The following ADAMTSL1 variants were observed in gnomAD, a reference collection of about 807,000 sequenced individuals.
The protein encoded by ADAMTSL1 is ADAMTS like 1.
ADAMTSL1 carries 126 observed loss-of-function variants against 201.8 expected under a neutral mutation model. The ratio of observed to expected loss-of-function variants is 0.62; its 90% CI spans 0.54 to 0.72. The LOEUF is 0.72. Ranked by LOEUF, ADAMTSL1 falls within the 30% of genes least tolerant of loss-of-function variation. ADAMTSL1 has a pLI of 0.00. For missense variants in ADAMTSL1, 2,679 were observed against 2,277.8 expected (o/e 1.18, Z -3.59); for synonymous variants, 1,121 against 903.4 (o/e 1.24, Z -4.32).
At chr9:18,781,116 G>C (rs1183070269) in intron 19 of ADAMTSL1, among the ~76,000 whole-genome samples, 2 of 152,142 alleles carry the variant, frequency 1.3e-5, no homozygotes, top group Non-Finnish European at 2.9e-5. Flanking sequence ...ATGGCTTTAA[G>C]ATGGAGAAGG....
intron 3 of ADAMTSL1, among the ~76,000 whole-genome samples, chr9:18,567,252 G>A (rs1230320139): frequency 1.3e-5 from 2 of 152,080 alleles, no homozygotes; most frequent in African/African-American, 4.8e-5. Context: ...ATCTCTTGAG[G>A]TCAGGAGTTC....
chr9:18,457,928 C>A (rs1820669205), intron 2 of ADAMTSL1, among the ~76,000 whole-genome samples: 1 of 152,188 alleles, frequency 6.6e-6, no homozygotes, highest in Non-Finnish European at 1.5e-5. Flanking sequence ...TGACATCCAC[C>A]CTCCATCAAG....
At chr9:18,472,706 C>T (rs969951222), upstream of ADAMTSL1, among the ~76,000 whole-genome samples, 1 of 152,116 alleles carries the variant, frequency 6.6e-6, no homozygotes, top group Non-Finnish European at 1.5e-5. Flanking sequence ...GTGTTTCATA[C>T]CTCTTGTCAG....
intron 1 of ADAMTSL1, among the ~76,000 whole-genome samples, chr9:18,095,250 A>C (rs1378897711): frequency 6.6e-6 from 1 of 152,078 alleles, no homozygotes; most frequent in Non-Finnish European, 1.5e-5. Flanking sequence ...CCAATAGATC[A>C]CACACAAGTA....
intron 2 of ADAMTSL1, among the ~76,000 whole-genome samples, chr9:18,267,784 A>AAAAC: frequency 6.6e-6 from 1 of 151,254 alleles, no homozygotes; most frequent in East Asian, 1.9e-4. Context: ...ACAAAAACAA[A>AAAAC]AACAAAAAAA....
At chr9:18,130,926 C>T (rs918955180) in intron 1 of ADAMTSL1, among the ~76,000 whole-genome samples, 3 of 152,076 alleles carry the variant, frequency 2.0e-5, no homozygotes, top group African/African-American at 7.2e-5. Context: ...AGTTGCCATT[C>T]CTGACTAGTG....
chr9:18,057,537 C>T (rs922021685), intron 1 of ADAMTSL1, among the ~76,000 whole-genome samples: 6 of 152,132 alleles, frequency 3.9e-5, no homozygotes, highest in African/African-American at 1.4e-4. Flanking sequence ...TTGTGACTAG[C>T]GTTACAAACA....
rs114600236 is a variant in ADAMTSL1, at chr9:18,418,425, C to A, written c.208-86404C>A. On this transcript the variant is annotated intron_variant, in intron 2 of 29. Transcript: ENST00000680146. ...GATCAGAAAGGAAACAAAAGTACCC[C>A]TATTTGCATAATACACAGTTTTGAT... 3.2e-3 allele frequency among the ~76,000 whole-genome samples: 480 copies of A among 152,234 alleles called. 4 individuals carry two copies. The highest frequency in any genetic ancestry group is 0.011 in the African/African-American group (470 of 41,568).
At position 17,913,573 on chromosome 9, in the gene ADAMTSL1, A is replaced by C. The variant is rs1031949524; in HGVS notation, c.87+6651A>C. 5.2e-3 allele frequency among the ~76,000 whole-genome samples: 798 copies of C among 152,300 alleles called. 11 individuals are homozygous for C. Among genetic ancestry groups the C allele is most frequent in the African/African-American group, 0.018 (757 of 41,558 alleles). ...AAATGCCCACAAGAGAAAGCAGGAA[A>C]GATCCAAAATTGACACCCTAACATC... is the stretch of plus-strand genomic sequence containing the variant. On this transcript the variant is annotated intron_variant, in intron 1 of 29. Transcript: ENST00000680146.
chr9:18,284,727 C>T (rs1416993227), intron 2 of ADAMTSL1, among the ~76,000 whole-genome samples: 1 of 152,108 alleles, frequency 6.6e-6, no homozygotes, highest in East Asian at 1.9e-4. Context: ...AATACTACTG[C>T]TCGTATTTTA....
At chr9:18,716,789 A>G (rs202003758) in intron 14 of ADAMTSL1, among the ~76,000 whole-genome samples, 44 of 144,402 alleles carry the variant, frequency 3.0e-4, no homozygotes, top group African/African-American at 1.0e-3. Flanking sequence ...ACATGCACAC[A>G]TATGTTTATT....
intron 1 of ADAMTSL1, among the ~76,000 whole-genome samples, chr9:18,034,420 C>T (rs1821106472): frequency 6.6e-6 from 1 of 152,212 alleles, no homozygotes; most frequent in Non-Finnish European, 1.5e-5. Flanking sequence ...TCTCTATTAG[C>T]CAGTCAGCCT....
intron 2 of ADAMTSL1, among the ~76,000 whole-genome samples, chr9:18,315,016 T>G (rs1834320099): frequency 6.7e-6 from 1 of 148,780 alleles, no homozygotes; most frequent in Non-Finnish European, 1.5e-5. Flanking sequence ...CAGGATGGTC[T>G]CGATCTCCTG....
intron 1 of ADAMTSL1, among the ~76,000 whole-genome samples, chr9:18,071,369 A>G (rs973162201): frequency 6.6e-6 from 1 of 152,232 alleles, no homozygotes; most frequent in Non-Finnish European, 1.5e-5. Flanking sequence ...TCCTTATTCT[A>G]TCAAGATACT....
chr9:18,278,540 C>T (rs894251114), intron 2 of ADAMTSL1, among the ~76,000 whole-genome samples: 2 of 152,150 alleles, frequency 1.3e-5, no homozygotes, highest in Non-Finnish European at 2.9e-5. Flanking sequence ...TGGAGAGTCC[C>T]TTACATGTGA....
At chr9:18,394,074 A>G (rs936586790) in intron 2 of ADAMTSL1, among the ~76,000 whole-genome samples, 6 of 152,218 alleles carry the variant, frequency 3.9e-5, no homozygotes, top group African/African-American at 1.4e-4. Flanking sequence ...ATGGGTGAAA[A>G]ATGTATCTTG....
chr9:18,044,698 A>G (rs925460557), intron 1 of ADAMTSL1, among the ~76,000 whole-genome samples: 3 of 152,194 alleles, frequency 2.0e-5, no homozygotes, highest in Non-Finnish European at 2.9e-5. Flanking sequence ...TTCTAAAATT[A>G]TAGAACCAGA....
At chr9:18,110,748 C>G (rs1892917) in intron 1 of ADAMTSL1, among the ~76,000 whole-genome samples, 78,989 of 151,946 alleles carry the variant, frequency 0.52, 20,495 homozygotes, top group East Asian at 0.57. Context: ...ATGAAAGGTT[C>G]TTAGCAAAGG....
intron 2 of ADAMTSL1, among the ~76,000 whole-genome samples, chr9:18,268,334 C>T (rs1001751099): frequency 6.6e-6 from 1 of 152,106 alleles, no homozygotes; most frequent in African/African-American, 2.4e-5. Flanking sequence ...CACTGGTTTT[C>T]CCCCCTTCTT....
Sources: gnomAD v4.1 joint callset for allele counts (sites outside exome capture counted in the v4.1 genomes callset) on GRCh38, gnomAD v4.1.1 for gene constraint, MANE v1.5 for transcripts, NCBI Gene and HGNC (gene_info 2026-07-23, HGNC 2026-07-21) for gene names.